Variants in PZP observed in about 807,000 individuals in gnomAD.
The protein encoded by PZP is pregnancy zone protein.
PZP carries 150 observed loss-of-function variants against 179.8 expected under a neutral mutation model. The observed-to-expected ratio is 0.83, with a 90% CI of 0.73 to 0.96. PZP has a LOEUF of 0.96. PZP is among the 40% of genes least tolerant of loss of function. The probability of loss-of-function intolerance (pLI) is 0.00; values close to 1 mark genes in which losing one functional copy is unlikely to be tolerated. For synonymous variants in PZP, 624 were observed against 652.3 expected, an observed-to-expected ratio of 0.96 and a Z score of 0.66; for missense variants, 1,689 against 1,764.0, an observed-to-expected ratio of 0.96 and a Z score of 0.76.
intron 20 of PZP, 94 bp downstream of exon 20, chr12:9,164,039 C>A (rs181693824): frequency 6.9e-7 from 1 of 1,446,896 alleles, no homozygotes; most frequent in African/African-American, 1.4e-5. Flanking sequence ...AGAATTATAT[C>A]TATGGCAAAT....
chr12:9,193,609 C>A (rs1046365322), intron 11 of PZP, among the ~76,000 whole-genome samples: 3 of 152,106 alleles, frequency 2.0e-5, no homozygotes, highest in Non-Finnish European at 4.4e-5. Flanking sequence ...TATTTATTGA[C>A]ACTGAAATCC....
intron 16 of PZP, 58 bp from the exon 17 acceptor site, chr12:9,169,032 A>G: frequency 7.7e-7 from 1 of 1,293,216 alleles, no homozygotes; most frequent in Non-Finnish European, 1.1e-6. Context: ...TATAAAACAT[A>G]TTATCCTTAG....
chr12:9,181,847 A>T, intron 14 of PZP, 128 bp downstream of exon 14: 1 of 1,041,686 alleles, frequency 9.6e-7, no homozygotes. Context: ...TGGGTCTGCC[A>T]TAAACTTGTT....
intron 21 of PZP, among the ~76,000 whole-genome samples, chr12:9,163,159 T>C (rs1941335222): frequency 1.3e-5 from 2 of 151,888 alleles, no homozygotes; most frequent in Non-Finnish European, 1.5e-5. Context: ...ATGTGAATCT[T>C]AGGAGAGAGG....
At position 9,150,107 on chromosome 12, in the gene PZP, T is replaced by G. The variant is rs776192319; in HGVS notation, c.4385-505A>C. Among the ~76,000 whole-genome samples the G allele has an allele frequency of 1.4e-3, 217 of 152,330 alleles. 1 individual carries two copies. Among genetic ancestry groups the G allele is most frequent in the African/African-American group, 4.8e-3 (201 of 41,566 alleles). ...TTATTGCTTAGCTCACTAACACTCA[T>G]TTGTCACTAATAGTCTTTCCTGTTA... On this transcript the variant is annotated intron_variant, in intron 34 of 35. Coordinates refer to ENST00000261336, the MANE Select transcript of PZP (RefSeq NM_002864.3).
intron 13 of PZP, among the ~76,000 whole-genome samples, chr12:9,184,400 C>A (rs902298817): frequency 6.6e-6 from 1 of 152,210 alleles, no homozygotes; most frequent in African/African-American, 2.4e-5. Context: ...CCCACCAGTG[C>A]CCCACCCCCA....
Position 9,163,782 on chromosome 12 carries a change from C to G in PZP, c.2622G>C (p.Val874=). Residue 874 remains valine (V), a synonymous_variant, in exon 21 of 36, where the codon GTG becomes GTC. Coordinates refer to ENST00000261336, the MANE Select transcript of PZP (RefSeq NM_002864.3). The part of the protein sequence containing the change: ...WTVTPKTLGN[V]NFSVSAEAMQ... ...TTGCCTCTGCACTCACTGAGAAGTT[C>G]ACATTCCCTAAAACAAGGAATATTG... 1 of 1,611,774 alleles carries G rather than the reference C, an allele frequency of 6.2e-7. No homozygotes were observed. Among genetic ancestry groups the G allele is most frequent in the Non-Finnish European group, 8.5e-7 (1 of 1,179,340 alleles).
At chr12:9,164,044 G>A in intron 20 of PZP, 89 bp downstream of exon 20, 3 of 1,452,576 alleles carry the variant, frequency 2.1e-6, no homozygotes, top group Non-Finnish European at 9.4e-7. Flanking sequence ...TATATCTATG[G>A]CAAATAAAAG....
intron 2 of PZP, 57 bp downstream of exon 2, chr12:9,203,711 A>G (rs1944305134): frequency 2.6e-6 from 4 of 1,563,924 alleles, no homozygotes; most frequent in African/African-American, 1.4e-5. Context: ...ACCATGACCT[A>G]TAGAGCTCAA....
intron 5 of PZP, 70 bp downstream of exon 5, chr12:9,201,257 G>T: frequency 1.4e-6 from 2 of 1,380,878 alleles, no homozygotes; most frequent in Non-Finnish European, 2.0e-6. Context: ...CATCTGTCTA[G>T]AGTATTATCA....
rs1943627141 is a variant in PZP at position 9,194,355 on chromosome 12, C to A, written c.1093-117G>T. 7.1e-6 allele frequency: 6 copies of A among 849,556 alleles called. No individual in the cohort carries two copies. The Admixed American group carries it at 1.4e-4, about 19-fold the overall frequency. The allele number at this position is 849,556 out of a possible 1,614,324, so 52.6% of individuals were successfully genotyped here. ...ACAACAACCTCCCCCTCAAAAAAAC[C>A]CCACCAAACCTTCATATTTACGACA... On this transcript the variant is annotated intron_variant, in intron 10 of 35. Coordinates refer to ENST00000261336, the MANE Select transcript of PZP (RefSeq NM_002864.3).
Position 9,200,467 on chromosome 12 carries a change from G to GGAAT in PZP, c.671-23_671-20dup. 1 of 1,546,472 alleles carries GGAAT rather than the reference G, an allele frequency of 6.5e-7. No homozygotes were observed. The highest frequency in any genetic ancestry group is 1.2e-5 in the South Asian group (1 of 86,212). On this transcript the variant is annotated intron_variant, in intron 6 of 35. Coordinates refer to ENST00000261336, the MANE Select transcript of PZP (RefSeq NM_002864.3). ...GGAAGCACTGTTAATAGAGATAATAGGAATAAGGAAGGTTGGTAAACATTT... is the reference window on the plus strand; with the variant it reads ...GGAAGCACTGTTAATAGAGATAATAGGAATGAATAAGGAAGGTTGGTAAACATTT...
At chr12:9,197,905 ATT>A (rs1280155525) in intron 7 of PZP, among the ~76,000 whole-genome samples, 1 of 126,878 alleles carries the variant, frequency 7.9e-6, no homozygotes, top group Non-Finnish European at 1.6e-5. Flanking sequence ...AATTATATAT[ATT>A]TATATTATAT....
At chr12:9,147,497 T>C (rs1363366495), downstream of PZP, among the ~76,000 whole-genome samples, 1 of 152,232 alleles carries the variant, frequency 6.6e-6, no homozygotes, top group Non-Finnish European at 1.5e-5. Context: ...TGAATCTTAC[T>C]GGCTTCGGTG....
the PZP span, among the ~76,000 whole-genome samples, chr12:9,142,423 G>T: frequency 6.6e-6 from 1 of 152,164 alleles, no homozygotes; most frequent in Non-Finnish European, 1.5e-5. Context: ...GTATGAAATT[G>T]CTTGATTAAT....
At chr12:9,140,880 CA>C in the PZP span, among the ~76,000 whole-genome samples, 8 of 152,306 alleles carry the variant, frequency 5.3e-5, no homozygotes, top group South Asian at 8.3e-4. Context: ...TAAAGGACAG[CA>C]CACCTCTCCA....
chr12:9,207,172 A>G (rs760365716), intron 1 of PZP, among the ~76,000 whole-genome samples: 1 of 152,332 alleles, frequency 6.6e-6, no homozygotes, highest in South Asian at 2.1e-4. Flanking sequence ...GGTAACACAC[A>G]GAGCAGAGGG....
At chr12:9,202,762 C>G (rs1944239837) in intron 2 of PZP, 78 bp from the exon 3 acceptor site, 5 of 1,375,378 alleles carry the variant, frequency 3.6e-6, no homozygotes, top group Non-Finnish European at 5.0e-6. Flanking sequence ...TTGCTATTTC[C>G]TATCTCTCCT....
chr12:9,160,711 G>A (rs1225587475), intron 23 of PZP, among the ~76,000 whole-genome samples: 1 of 152,070 alleles, frequency 6.6e-6, no homozygotes, highest in South Asian at 2.1e-4. Flanking sequence ...TCAGGATATC[G>A]AGACCATCCT....
Sources: gnomAD v4.1 joint callset for allele counts (sites outside exome capture counted in the v4.1 genomes callset) on GRCh38, gnomAD v4.1.1 for gene constraint, MANE v1.5 for transcripts, NCBI Gene and HGNC (gene_info 2026-07-23, HGNC 2026-07-21) for gene names.